The following NAGLU variants were observed in gnomAD, a reference collection of about 807,000 sequenced individuals.
NAGLU encodes alpha-N-acetylglucosaminidase.
Under a neutral mutation model 43.4 loss-of-function variants are expected in NAGLU, and 34 were observed. That is an observed-to-expected ratio of 0.78 (90% CI 0.60 to 1.04). The LOEUF is 1.04. Ranked by LOEUF, NAGLU falls within the 50% of genes least tolerant of loss-of-function variation. NAGLU has a pLI of 0.00. For missense variants in NAGLU, 910 were observed against 993.7 expected, an observed-to-expected ratio of 0.92 and a Z score of 1.13; for synonymous variants, 425 against 437.6, an observed-to-expected ratio of 0.97 and a Z score of 0.36.
At position 42,538,563 on chromosome 17, in the gene NAGLU, C is replaced by A. The variant is rs187501918; in HGVS notation, c.678+78C>A. On this transcript the variant is annotated intron_variant, in intron 3 of 5. Transcript: ENST00000225927. ...CCAGGAAGGGTGGTATTAGGCCGGCCCCAGGGCTCTTAACTGAGGCGGGGG... is the reference window on the plus strand; with the variant it reads ...CCAGGAAGGGTGGTATTAGGCCGGCACCAGGGCTCTTAACTGAGGCGGGGG... 807 of 1,612,844 alleles carry A rather than the reference C, an allele frequency of 5.0e-4. 3 individuals carry two copies. The highest frequency in any genetic ancestry group is 1.8e-3 in the Middle Eastern group (11 of 6,050).
chr17:42,542,970 C>G, intron 5 of NAGLU, 58 bp from the exon 6 acceptor site: 1 of 1,595,782 alleles, frequency 6.3e-7, no homozygotes, highest in Non-Finnish European at 8.5e-7. Flanking sequence ...GGTGAACATT[C>G]CCTGGGCCCT....
intron 1 of NAGLU, 96 bp from the exon 2 acceptor site, chr17:42,537,302 C>T (rs1185628248): frequency 1.9e-6 from 3 of 1,583,678 alleles, no homozygotes; most frequent in Non-Finnish European, 2.6e-6. Context: ...AGTTTGGAGC[C>T]CCTCCCCTCT....
chr17:42,537,626 C>T (rs1024100351), intron 2 of NAGLU, 81 bp downstream of exon 2: 15 of 1,549,970 alleles, frequency 9.7e-6, no homozygotes, highest in South Asian at 1.1e-5. Flanking sequence ...CCAGCATGGG[C>T]GCAGTGTCTC....
rs1392027160 is a variant in NAGLU at position 42,538,843 on chromosome 17, C to T, written c.764+88C>T. On this transcript the variant is annotated intron_variant, in intron 4 of 5. Coordinates refer to ENST00000225927, the MANE Select transcript of NAGLU (RefSeq NM_000263.4). ...TGACTTAAAAACTTAAGCTCTGGGC[C>T]GGGCGCAGTGGCTCACGCCTGTAAT... The T allele has an allele frequency of 3.6e-5, 53 of 1,480,340 alleles. 1 individual carries two copies. The highest frequency in any genetic ancestry group is 1.4e-4 in the African/African-American group (10 of 71,826). 91.7% of individuals were successfully genotyped at this position (1,480,340 alleles called of 1,614,324 possible).
At position 42,543,834 on chromosome 17, in the gene NAGLU, C is replaced by T. The variant is rs1198292626; in HGVS notation, c.1828C>T (p.Leu610=). The change falls in exon 6 of 6, where the codon CTG becomes TTG. Residue 610 remains leucine (L), a synonymous_variant. Coordinates refer to ENST00000225927, the MANE Select transcript of NAGLU (RefSeq NM_000263.4). Reference sequence around the variant, plus strand: ...GCTGCTGCCGGCACTGGACGAGGTGCTGGCTAGTGACAGCCGCTTCTTGCT... The same window carrying T: ...GCTGCTGCCGGCACTGGACGAGGTGTTGGCTAGTGACAGCCGCTTCTTGCT... ...YELLPALDEV[L]ASDSRFLLGS... The T allele has an allele frequency of 6.2e-7, 1 of 1,601,444 alleles. No individual in the cohort carries two copies. Among genetic ancestry groups the T allele is most frequent in the Non-Finnish European group, 8.5e-7 (1 of 1,174,540 alleles).
chr17:42,540,864 T>C, intron 4 of NAGLU, 86 bp from the exon 5 acceptor site: 1 of 1,589,344 alleles, frequency 6.3e-7, no homozygotes, highest in Admixed American at 1.7e-5. Flanking sequence ...AACCAGGAGC[T>C]GTAGAGAAGT....
In NAGLU at chr17:42,539,975, G is replaced by A. The variant is rs371994208; in HGVS notation, c.765-975G>A. ...CTAAAAGTACAAAAATTAGCCAGGC[G>A]TGGTGGCGGGCTCCTGTAATCCCAG... On this transcript the variant is annotated intron_variant, in intron 4 of 5. Coordinates refer to ENST00000225927, the MANE Select transcript of NAGLU (RefSeq NM_000263.4). Among the ~76,000 whole-genome samples, 8 of 152,098 alleles carry A rather than the reference G, an allele frequency of 5.3e-5. No homozygotes were observed. The South Asian group carries it at 6.2e-4, about 12-fold the overall frequency.
chr17:42,537,158 G>A (rs1402755754), intron 1 of NAGLU: 3 of 562,886 alleles, frequency 5.3e-6, no homozygotes, highest in East Asian at 6.5e-5. Context: ...CATGAAAGTG[G>A]AATATGCCAC....
In NAGLU at chr17:42,544,417, T is replaced by G. The variant is rs1363899610; in HGVS notation, c.*179T>G. On this transcript the variant is annotated 3_prime_UTR_variant, in exon 6 of 6. Transcript: ENST00000225927. ...CTGCCCTCCACCACCACCCAAAGTG[T>G]GGGATTAAAGTACTGTTTTCTTTCC... is the stretch of plus-strand genomic sequence containing the variant. 6.6e-6 allele frequency: 6 copies of G among 905,736 alleles called. No homozygotes were observed. The highest frequency in any genetic ancestry group is 1.0e-5 in the Non-Finnish European group (6 of 595,356). 56.1% of individuals were successfully genotyped at this position (905,736 alleles called of 1,614,324 possible). A position where few individuals can be genotyped will look rare whatever the true frequency, so the allele number is the denominator to read the frequency against.
In NAGLU at chr17:42,541,273, G is replaced by A. The variant is rs2092921307; in HGVS notation, c.1021+67G>A. 4 of 1,595,680 alleles carry A rather than the reference G, an allele frequency of 2.5e-6. No homozygotes were observed. In the African/African-American group the frequency reaches 4.0e-5, roughly 16 times the overall value. On this transcript the variant is annotated intron_variant, in intron 5 of 5. Transcript: ENST00000225927. ...AAAAAGAAGGGAGTAGCAGATGTCA[G>A]TAGGGGTAGGCAGAGGGACTGGAAT...
In NAGLU at chr17:42,543,179, T is replaced by G; in HGVS notation, c.1173T>G (p.Tyr391Ter). The change falls in exon 6 of 6, where the codon TAT becomes TAG. Residue 391 changes from tyrosine (Y) to a stop codon, truncating the protein, a stop_gained. Coordinates refer to ENST00000225927, the MANE Select transcript of NAGLU (RefSeq NM_000263.4). LOFTEE classifies it high-confidence loss of function. Reference protein sequence around the residue: ...LDLFAESQPVYTRTASFQGQP... With the variant: ...LDLFAESQPV ...TGTTTGCTGAGAGCCAGCCTGTGTA[T>G]ACCCGCACTGCCTCCTTCCAGGGCC... 6.2e-7 allele frequency: 1 copy of G among 1,614,202 alleles called. No individual in the cohort carries two copies. The highest frequency in any genetic ancestry group is 8.5e-7 in the Non-Finnish European group (1 of 1,180,050).
chr17:42,540,897 G>A, intron 4 of NAGLU, 53 bp from the exon 5 acceptor site: 2 of 1,613,896 alleles, frequency 1.2e-6, no homozygotes, highest in Non-Finnish European at 1.7e-6. Context: ...TGAACACTAT[G>A]GTGAACACTA....
chr17:42,537,319 G>C (rs1397473546), intron 1 of NAGLU, 79 bp from the exon 2 acceptor site: 1 of 1,605,240 alleles, frequency 6.2e-7, no homozygotes, highest in Non-Finnish European at 8.5e-7. Flanking sequence ...CTCTCCTCTA[G>C]GTGGGGGATG....
Position 42,536,435 on chromosome 17 carries a change from G to A in NAGLU, c.163G>A (p.Ala55Thr), listed in dbSNP as rs1384289050. The A allele has an allele frequency of 4.8e-6, 6 of 1,255,536 alleles. No individual in the cohort carries two copies. In the Admixed American group the frequency reaches 1.5e-4, roughly 32 times the overall value. 77.8% of individuals were successfully genotyped at this position (1,255,536 alleles called of 1,614,324 possible). ...AADFSVSVER[A>T]LAAKPGLDTY... ...CGACTTCTCCGTGTCGGTGGAGCGC[G>A]CTCTGGCTGCCAAGCCGGGCTTGGA... Residue 55 changes from alanine to threonine, a missense_variant, in exon 1 of 6, where the codon GCT (alanine) becomes ACT (threonine). Physicochemically the swap from Ala to Thr is moderately conservative, Grantham distance 58. Coordinates refer to ENST00000225927, the MANE Select transcript of NAGLU (RefSeq NM_000263.4).
intron 1 of NAGLU, 78 bp from the exon 2 acceptor site, chr17:42,537,320 G>A (rs768655747): frequency 1.9e-6 from 3 of 1,602,946 alleles, no homozygotes; most frequent in South Asian, 1.1e-5. Context: ...TCTCCTCTAG[G>A]TGGGGGATGG....
rs1555622002 is a variant in NAGLU, at chr17:42,540,993, CA to C, written c.809del (p.His270ProfsTer30). 2 of 1,614,170 alleles carry C rather than the reference CA, an allele frequency of 1.2e-6. No homozygotes were observed. Among genetic ancestry groups the C allele is most frequent in the Non-Finnish European group, 1.7e-6 (2 of 1,180,032 alleles). ...VNVTKMGSWGHFNCSYSCSFL... is the reference protein window; with the variant it reads ...VNVTKMGSWGXFNCSYSCSFL... ...TGTCACGAAGATGGGCAGTTGGGGC[CA>C]CTTTAACTGTTCCTACTCCTGCTCC... On this transcript the variant is annotated frameshift_variant, in exon 5 of 6. Coordinates refer to ENST00000225927, the MANE Select transcript of NAGLU (RefSeq NM_000263.4). LOFTEE classifies it high-confidence loss of function.
Position 42,544,382 on chromosome 17 carries a change from G to A in NAGLU, c.*144G>A. 1 of 1,293,998 alleles carries A rather than the reference G, an allele frequency of 7.7e-7. No individual in the cohort carries two copies. The highest frequency in any genetic ancestry group is 1.1e-6 in the Non-Finnish European group (1 of 927,412). 80.2% of individuals were successfully genotyped at this position (1,293,998 alleles called of 1,614,324 possible). On this transcript the variant is annotated 3_prime_UTR_variant, in exon 6 of 6. Transcript: ENST00000225927. ...TGGGGTCTGACCTGGGGGGATTGGA[G>A]GGAAATGACCTGCCCTCCACCACCA...
In NAGLU at chr17:42,543,333, A is replaced by T. The variant is rs2092926695; in HGVS notation, c.1327A>T (p.Met443Leu). ...FPNSTMVGTG[M>L]APEGISQNEV... is the part of the protein sequence containing the mutation. ...CAACTCCACCATGGTAGGCACGGGC[A>T]TGGCCCCCGAGGGCATCAGCCAGAA... Residue 443 changes from methionine (M) to leucine (L), a missense_variant, in exon 6 of 6, where the codon ATG (methionine) becomes TTG (leucine). Physicochemically the swap from Met to Leu is conservative, Grantham distance 15. Transcript: ENST00000225927. The T allele has an allele frequency of 1.9e-6, 3 of 1,613,438 alleles. No homozygotes were observed. Among genetic ancestry groups the T allele is most frequent in the Non-Finnish European group, 2.5e-6 (3 of 1,179,996 alleles).
chr17:42,540,480 A>G (rs1210491461), intron 4 of NAGLU, among the ~76,000 whole-genome samples: 1 of 151,876 alleles, frequency 6.6e-6, no homozygotes, highest in Non-Finnish European at 1.5e-5. Flanking sequence ...GCGGATCACA[A>G]GGTCAGCAGA....
Sources: gnomAD v4.1 joint callset for allele counts (sites outside exome capture counted in the v4.1 genomes callset) on GRCh38, gnomAD v4.1.1 for gene constraint, MANE v1.5 for transcripts, NCBI Gene and HGNC (gene_info 2026-07-23, HGNC 2026-07-21) for gene names.